ORC2: variants seen among roughly 807,000 people sequenced by gnomAD.
ORC2 encodes the protein origin recognition complex subunit 2.
ORC2 carries 37 observed loss-of-function variants against 77.7 expected under a neutral mutation model. The ratio of observed to expected loss-of-function variants is 0.48; its 90% CI spans 0.37 to 0.63. ORC2 has a LOEUF of 0.63. Ranked by LOEUF, ORC2 falls within the 20% of genes least tolerant of loss-of-function variation. The pLI, the probability that ORC2 is intolerant of heterozygous loss-of-function variation, is 0.00. For synonymous variants in ORC2, 201 were observed against 229.5 expected, an observed-to-expected ratio of 0.88 and a Z score of 1.12; for missense variants, 557 against 661.9, an observed-to-expected ratio of 0.84 and a Z score of 1.74.
intron 15 of ORC2, 75 bp from the exon 16 acceptor site, chr2:200,914,067 A>G: frequency 1.1e-6 from 1 of 918,854 alleles, no homozygotes; most frequent in Non-Finnish European, 1.7e-6. Context: ...AGTAAAATAC[A>G]CAAAGAAAAT....
chr2:200,957,906 G>A (rs1429490409), intron 3 of ORC2, 124 bp downstream of exon 3: 1 of 562,170 alleles, frequency 1.8e-6, no homozygotes, highest in African/African-American at 1.9e-5. Flanking sequence ...TTTTTATTTA[G>A]TTTTACTAAC....
Position 200,934,293 on chromosome 2 carries a change from T to C in ORC2, c.709-319A>G, listed in dbSNP as rs114993588. On this transcript the variant is annotated intron_variant, in intron 9 of 17. Transcript: ENST00000234296. ...ATGGTTTTATATATCAAGATCTTTGTTTCTCCTCAAGTAAGTCTTTTTTTT... is the reference window on the plus strand; with the variant it reads ...ATGGTTTTATATATCAAGATCTTTGCTTCTCCTCAAGTAAGTCTTTTTTTT... 8.3e-3 allele frequency among the ~76,000 whole-genome samples: 1,269 copies of C among 152,068 alleles called. 10 individuals carry two copies. Among genetic ancestry groups the C allele is most frequent in the Admixed American group, 0.01 (158 of 15,270 alleles).
chr2:200,949,717 C>T (rs2041316838), intron 4 of ORC2, 74 bp from the exon 5 acceptor site: 1 of 827,906 alleles, frequency 1.2e-6, no homozygotes, highest in Admixed American at 2.3e-5. Flanking sequence ...AACAAAAAAA[C>T]TTAAGATTTG....
chr2:200,963,618 G>A lies in ORC2; in HGVS notation c.-188C>T, dbSNP rs1156283768. On this transcript the variant is annotated 5_prime_UTR_variant, in exon 1 of 18. Coordinates refer to ENST00000234296, the MANE Select transcript of ORC2 (RefSeq NM_006190.5). ...AGCCAATTTCCAGTAATTCGCGCCC[G>A]ACCACCGGGGAGGTAAGGAGCACCG... 2.5e-6 allele frequency: 1 copy of A among 398,560 alleles called. No homozygotes were observed. Among genetic ancestry groups the A allele is most frequent in the Non-Finnish European group, 4.4e-6 (1 of 226,016 alleles). The allele number at this position is 398,560 out of a possible 1,614,324, so 24.7% of individuals were successfully genotyped here.
chr2:200,963,385 T>C (rs2041619242), intron 1 of ORC2, 105 bp downstream of exon 1: 1 of 398,280 alleles, frequency 2.5e-6, no homozygotes, highest in Admixed American at 4.4e-5. Flanking sequence ...CTTGGGACGC[T>C]AGGGGCCAAG....
intron 1 of ORC2, among the ~76,000 whole-genome samples, chr2:200,962,149 C>T (rs2041586613): frequency 6.6e-6 from 1 of 152,142 alleles, no homozygotes; most frequent in Admixed American, 6.5e-5. Flanking sequence ...TCATGAGAAA[C>T]GTTTCCTTCT....
chr2:200,917,150 A>T (rs1225901554), intron 15 of ORC2, among the ~76,000 whole-genome samples: 1 of 151,568 alleles, frequency 6.6e-6, no homozygotes. Flanking sequence ...ATGCACCACC[A>T]TGCCCAGCTG....
Position 200,931,390 on chromosome 2 carries a change from TGTTTAA to T in ORC2, c.860_865del (p.Leu287_Lys288del). 6.5e-7 allele frequency: 1 copy of T among 1,539,058 alleles called. No homozygotes were observed. ...TAATTTTTCATACTGTTGATTTAGT[TGTTTAA>T]GTTCGGCAGAAAAGGAAGGGGAAAC... On this transcript the variant is annotated inframe_deletion, in exon 11 of 18. Coordinates refer to ENST00000234296, the MANE Select transcript of ORC2 (RefSeq NM_006190.5).
intron 7 of ORC2, among the ~76,000 whole-genome samples, chr2:200,940,045 A>G (rs1206910094): frequency 6.6e-6 from 1 of 152,204 alleles, no homozygotes; most frequent in African/African-American, 2.4e-5. Flanking sequence ...TGTGGAGACA[A>G]AAGTTACTCC....
intron 5 of ORC2, among the ~76,000 whole-genome samples, chr2:200,946,794 C>G (rs932573332): frequency 6.6e-6 from 1 of 152,142 alleles, no homozygotes; most frequent in Non-Finnish European, 1.5e-5. Context: ...CCTAGGGTTT[C>G]ATTTTGGTCT....
chr2:200,925,693 C>T (rs181563194), intron 13 of ORC2, 143 bp downstream of exon 13: 7 of 299,400 alleles, frequency 2.3e-5, no homozygotes, highest in East Asian at 2.3e-4. Context: ...GAGCCATGAT[C>T]GCACCACTGC....
At chr2:200,936,690 A>G (rs1368280521) in intron 8 of ORC2, among the ~76,000 whole-genome samples, 2 of 152,206 alleles carry the variant, frequency 1.3e-5, no homozygotes, top group African/African-American at 4.8e-5. Context: ...AATAAATGGT[A>G]CTTATGATTA....
chr2:200,919,875 G>A (rs1354353125), intron 15 of ORC2, among the ~76,000 whole-genome samples: 1 of 152,106 alleles, frequency 6.6e-6, no homozygotes, highest in Admixed American at 6.6e-5. Flanking sequence ...TGCATATAAA[G>A]TACTCACTGT....
intron 8 of ORC2, among the ~76,000 whole-genome samples, chr2:200,937,151 GTA>G (rs2041063050): frequency 6.6e-6 from 1 of 152,108 alleles, no homozygotes; most frequent in South Asian, 2.1e-4. Context: ...CTCCATGTAG[GTA>G]TATATGTTTT....
chr2:200,957,042 G>A (rs1436765378), intron 4 of ORC2, among the ~76,000 whole-genome samples: 2 of 152,152 alleles, frequency 1.3e-5, no homozygotes, highest in Admixed American at 6.6e-5. Flanking sequence ...CATAAGGACA[G>A]ACAGCTAATG....
intron 13 of ORC2, among the ~76,000 whole-genome samples, chr2:200,925,051 C>T (rs955996704): frequency 6.6e-5 from 10 of 152,142 alleles, no homozygotes; most frequent in African/African-American, 1.4e-4. Flanking sequence ...TCAGCCACTG[C>T]GCCCAGCCAA....
At chr2:200,948,721 C>A (rs771582726) in intron 5 of ORC2, among the ~76,000 whole-genome samples, 1 of 151,948 alleles carries the variant, frequency 6.6e-6, no homozygotes, top group Non-Finnish European at 1.5e-5. Context: ...TGCCACCACG[C>A]CTGGCTCATT....
chr2:200,937,208 A>C (rs995067139), intron 8 of ORC2, among the ~76,000 whole-genome samples: 1 of 152,178 alleles, frequency 6.6e-6, no homozygotes, highest in East Asian at 1.9e-4. Flanking sequence ...CTCTCTAAAA[A>C]ACAACCCATA....
intron 5 of ORC2, among the ~76,000 whole-genome samples, chr2:200,947,838 T>C (rs2041277474): frequency 6.6e-6 from 1 of 151,960 alleles, no homozygotes; most frequent in Admixed American, 6.6e-5. Flanking sequence ...TAGGCTCAAG[T>C]CATCCTCCTG....
Sources: allele counts gnomAD v4.1 joint callset (sites outside exome capture counted in the v4.1 genomes callset), GRCh38; gene constraint gnomAD v4.1.1; transcripts MANE v1.5; gene names NCBI Gene and HGNC (gene_info 2026-07-23, HGNC 2026-07-21).